Variants in FBXL13 observed in about 807,000 individuals in gnomAD.
FBXL13 encodes the protein F-box and leucine rich repeat protein 13.
A neutral mutation model predicts 83.6 loss-of-function variants in FBXL13; 67 were observed. The ratio of observed to expected loss-of-function variants is 0.80; its 90% CI spans 0.66 to 0.98. The LOEUF (loss-of-function observed/expected upper bound fraction) is 0.98. Ranked by LOEUF, FBXL13 falls within the 50% of genes least tolerant of loss-of-function variation. The pLI, the probability that FBXL13 is intolerant of heterozygous loss-of-function variation, is 0.00. For synonymous variants in FBXL13, 272 were observed against 299.5 expected (o/e 0.91, Z 0.95); for missense variants, 822 against 866.5 (o/e 0.95, Z 0.64).
At position 103,041,038 on chromosome 7, in the gene FBXL13, G is replaced by A. The variant is rs188595436; in HGVS notation, c.1-11620C>T. On this transcript the variant is annotated intron_variant, in intron 2 of 19. Coordinates refer to ENST00000313221, the Ensembl canonical transcript of FBXL13. ...CTTCGAAAAACCAATGTATCCAGGA[G>A]CTGGTTTTTTGAAAAGACCAACAAA... 4.9e-3 allele frequency among the ~76,000 whole-genome samples: 749 copies of A among 152,258 alleles called. 9 individuals are homozygous for A. The highest frequency in any genetic ancestry group is 0.017 in the African/African-American group (693 of 41,556).
intron 3 of FBXL13, among the ~76,000 whole-genome samples, chr7:103,028,991 T>C (rs544688231): frequency 6.6e-6 from 1 of 152,210 alleles, no homozygotes; most frequent in South Asian, 2.1e-4. Context: ...TAAAATCATG[T>C]TGTCATAATT....
intron 2 of FBXL13, among the ~76,000 whole-genome samples, chr7:103,053,192 G>A (rs528507845): frequency 3.0e-4 from 45 of 151,900 alleles, no homozygotes; most frequent in African/African-American, 9.9e-4. Flanking sequence ...CTCTTGTGTC[G>A]CCCAGGCTGA....
intron 18 of FBXL13, chr7:102,826,981 T>C: frequency 2.8e-6 from 1 of 353,430 alleles, no homozygotes; most frequent in South Asian, 2.0e-5. Flanking sequence ...AATGTAGCTG[T>C]GGTAGATTAA....
chr7:102,934,761 C>A, intron 8 of FBXL13: 1 of 1,255,180 alleles, frequency 8.0e-7, no homozygotes, highest in Non-Finnish European at 1.1e-6. Flanking sequence ...CTCCCTACAT[C>A]CCACCATGTC....
At chr7:102,962,817 C>T (rs1391003023) in intron 8 of FBXL13, among the ~76,000 whole-genome samples, 10 of 145,698 alleles carry the variant, frequency 6.9e-5, no homozygotes, top group African/African-American at 2.5e-4. Context: ...GAATATCACA[C>T]TCTGGGGACT....
chr7:102,819,546 G>T (rs1312564539), intron 19 of FBXL13, among the ~76,000 whole-genome samples: 4 of 152,154 alleles, frequency 2.6e-5, no homozygotes, highest in Admixed American at 2.6e-4. Flanking sequence ...GAGTATGAGT[G>T]AATTTATGTA....
chr7:102,925,159 C>T (rs561893174), intron 10 of FBXL13, among the ~76,000 whole-genome samples: 6 of 152,174 alleles, frequency 3.9e-5, no homozygotes, highest in African/African-American at 1.2e-4. Flanking sequence ...TTTGGGAGGC[C>T]CAAGTGGGCA....
At chr7:102,866,292 G>A (rs1020964226) in intron 16 of FBXL13, among the ~76,000 whole-genome samples, 1 of 152,138 alleles carries the variant, frequency 6.6e-6, no homozygotes, top group Non-Finnish European at 1.5e-5. Flanking sequence ...TGTTTGCAGT[G>A]TTTTTAGTAG....
intron 2 of FBXL13, among the ~76,000 whole-genome samples, chr7:103,054,090 T>C (rs560077360): frequency 1.3e-5 from 2 of 152,136 alleles, no homozygotes. Context: ...ACAACAGCCC[T>C]GTAATCAAGA....
chr7:102,953,453 T>TC (rs961720913), intron 8 of FBXL13, among the ~76,000 whole-genome samples: 3 of 151,842 alleles, frequency 2.0e-5, no homozygotes, highest in Non-Finnish European at 2.9e-5. Context: ...TTTGACAAAA[T>TC]CCCATCACCC....
chr7:102,851,437 T>TTCCCTCCTTCCTTCCTTCCCTCCC (rs1805207097), intron 17 of FBXL13, among the ~76,000 whole-genome samples: 1 of 143,984 alleles, frequency 6.9e-6, no homozygotes, highest in Non-Finnish European at 1.5e-5. Flanking sequence ...TCTCTCTTTC[T>TTCCCTCCTTCCTTCCTTCCCTCCC]TCCCTCCTTC....
chr7:102,973,398 A>T, intron 6 of FBXL13: 3 of 692,426 alleles, frequency 4.3e-6, no homozygotes, highest in Non-Finnish European at 7.9e-6. Flanking sequence ...ATCGAGAAAC[A>T]GGCCATCTGG....
chr7:103,031,791 G>T (rs920740396), intron 2 of FBXL13, among the ~76,000 whole-genome samples: 1 of 152,212 alleles, frequency 6.6e-6, no homozygotes, highest in Non-Finnish European at 1.5e-5. Context: ...CGTTGCAAAA[G>T]ATTTTTCATA....
At chr7:102,879,240 C>G (rs1809664603) in intron 14 of FBXL13, among the ~76,000 whole-genome samples, 1 of 152,182 alleles carries the variant, frequency 6.6e-6, no homozygotes, top group Non-Finnish European at 1.5e-5. Flanking sequence ...GGGAAGAACA[C>G]TGGGAGCAAA....
At chr7:102,960,409 G>A (rs1824994362) in intron 8 of FBXL13, among the ~76,000 whole-genome samples, 1 of 152,036 alleles carries the variant, frequency 6.6e-6, no homozygotes, top group African/African-American at 2.4e-5. Context: ...AGAGGTACAA[G>A]GAGAAACTGG....
At chr7:102,931,694 ATACATC>A (rs1292479357) in intron 9 of FBXL13, among the ~76,000 whole-genome samples, 181 bp downstream of exon 10, 1 of 152,236 alleles carries the variant, frequency 6.6e-6, no homozygotes, top group African/African-American at 2.4e-5. Context: ...AACACTGAGC[ATACATC>A]TACATGATTA....
intron 6 of FBXL13, chr7:102,978,645 C>A: frequency 4.4e-6 from 1 of 228,438 alleles, no homozygotes; most frequent in East Asian, 1.2e-4. Context: ...CCCAGGTACT[C>A]ATTAAAACAG....
chr7:102,958,336 T>C (rs940917871), intron 8 of FBXL13, among the ~76,000 whole-genome samples: 1 of 148,530 alleles, frequency 6.7e-6, no homozygotes, highest in Non-Finnish European at 1.5e-5. Flanking sequence ...AAATGAACAA[T>C]GAGATCACTT....
chr7:103,000,634 C>G (rs1479809975), intron 6 of FBXL13, among the ~76,000 whole-genome samples: 1 of 152,116 alleles, frequency 6.6e-6, no homozygotes, highest in Non-Finnish European at 1.5e-5. Flanking sequence ...CTCCAATGTT[C>G]CTTTGTTGAT....
Sources: gnomAD v4.1 joint callset for allele counts (sites outside exome capture counted in the v4.1 genomes callset) on GRCh38, gnomAD v4.1.1 for gene constraint, MANE v1.5 for transcripts, NCBI Gene and HGNC (gene_info 2026-07-23, HGNC 2026-07-21) for gene names.